ARID4B: variants seen among roughly 807,000 people sequenced by gnomAD.
ARID4B encodes the protein AT-rich interactive domain-containing protein 4B.
Under a neutral mutation model 147.5 loss-of-function variants are expected in ARID4B, and 26 were observed. The ratio of observed to expected loss-of-function variants is 0.18; its 90% CI spans 0.13 to 0.24. ARID4B has a LOEUF of 0.24. ARID4B is among the 10% of genes least tolerant of loss of function. The pLI, the probability that ARID4B is intolerant of heterozygous loss-of-function variation, is 1.00. For synonymous variants in ARID4B, 512 were observed against 507.9 expected, an observed-to-expected ratio of 1.01 and a Z score of -0.11; for missense variants, 1,179 against 1,511.5, an observed-to-expected ratio of 0.78 and a Z score of 3.65.
rs537216137 is a variant in ARID4B, at chr1:235,256,046, C to T, written c.184-296G>A. ...AAAATTGGGCAGGCGTGGTGGCAGG[C>T]GCCTGTAATCCCAGCTACTCGGGAG... is the stretch of plus-strand genomic sequence containing the variant. On this transcript the variant is annotated intron_variant, in intron 4 of 23. Transcript: ENST00000264183. Among the ~76,000 whole-genome samples, 10 of 151,512 alleles carry T rather than the reference C, an allele frequency of 6.6e-5. No homozygotes were observed. The South Asian group carries it at 8.3e-4, about 13-fold the overall frequency.
At chr1:235,230,648 G>T (rs12403014) in intron 10 of ARID4B, among the ~76,000 whole-genome samples, 1 of 146,452 alleles carries the variant, frequency 6.8e-6, no homozygotes, top group Non-Finnish European at 1.5e-5. Context: ...ATGGTTGGGC[G>T]CAGTGGCTCA....
At chr1:235,318,772 T>C (rs1181263408) in intron 2 of ARID4B, among the ~76,000 whole-genome samples, 1 of 151,818 alleles carries the variant, frequency 6.6e-6, no homozygotes, top group African/African-American at 2.4e-5. Flanking sequence ...TCCCATCTAC[T>C]TGGGAGCTGG....
At chr1:235,216,116 A>G (rs1051495696) in intron 16 of ARID4B, among the ~76,000 whole-genome samples, 1 of 152,042 alleles carries the variant, frequency 6.6e-6, no homozygotes, top group Non-Finnish European at 1.5e-5. Flanking sequence ...TGTTTAATGG[A>G]CCGGTGGAAG....
chr1:235,304,459 T>C (rs555254545), intron 2 of ARID4B, among the ~76,000 whole-genome samples: 1 of 152,348 alleles, frequency 6.6e-6, no homozygotes, highest in South Asian at 2.1e-4. Flanking sequence ...AGGTCCCTTT[T>C]CATTATCTTC....
rs1313471308 is a variant in ARID4B, at chr1:235,181,781, T to C, written c.3138A>G (p.Thr1046=). The C allele has an allele frequency of 1.2e-6, 2 of 1,614,126 alleles. No homozygotes were observed. Among genetic ancestry groups the C allele is most frequent in the Non-Finnish European group, 1.7e-6 (2 of 1,180,048 alleles). Residue 1046 remains threonine, a synonymous_variant, in exon 20 of 24, where the codon ACA becomes ACG. Coordinates refer to ENST00000264183, the MANE Select transcript of ARID4B (RefSeq NM_016374.6). ...TEGSRQQSSV[T]VSEPLAPNQE... is the part of the protein sequence containing the mutation. ...GGTTTGGAGCCAGTGGTTCTGATACTGTTACAGAAGACTGCTGCCGGCTGC... is the reference window on the plus strand; with the variant it reads ...GGTTTGGAGCCAGTGGTTCTGATACCGTTACAGAAGACTGCTGCCGGCTGC...
intron 2 of ARID4B, among the ~76,000 whole-genome samples, chr1:235,280,543 C>T (rs930272743): frequency 1.3e-5 from 2 of 152,280 alleles, no homozygotes; most frequent in South Asian, 2.1e-4. Flanking sequence ...CTCCGCTCCT[C>T]GCCACGCAAA....
At chr1:235,178,045 G>A (rs903934002) in intron 20 of ARID4B, 132 bp from the exon 21 acceptor site, 16 of 471,420 alleles carry the variant, frequency 3.4e-5, no homozygotes, top group African/African-American at 2.8e-4. Context: ...AGTTGTCACA[G>A]AACTTACTAC....
At position 235,174,101 on chromosome 1, in the gene ARID4B, G is replaced by A. The variant is rs576298644; in HGVS notation, c.3664+1083C>T. On this transcript the variant is annotated intron_variant, in intron 22 of 23. Transcript: ENST00000264183. ...GTCGCCCAGGCTGGAGTGCAGTGGCGCAACCTCGGCTCACTGCAACCTCCA... is the reference window on the plus strand; with the variant it reads ...GTCGCCCAGGCTGGAGTGCAGTGGCACAACCTCGGCTCACTGCAACCTCCA... Among the ~76,000 whole-genome samples the A allele has an allele frequency of 1.1e-3, 172 of 150,842 alleles. 1 individual carries two copies. The highest frequency in any genetic ancestry group is 4.1e-3 in the African/African-American group (167 of 41,084).
Position 235,177,695 on chromosome 1 carries a change from A to G in ARID4B, c.3448+105T>C, listed in dbSNP as rs41323049. 8,499 of 668,092 alleles carry G rather than the reference A, an allele frequency of 0.013. 604 individuals are homozygous for G. In the African/African-American group the frequency reaches 0.14, roughly 11 times the overall value. 41.4% of individuals were successfully genotyped at this position (668,092 alleles called of 1,614,324 possible). Reference sequence around the variant, plus strand: ...GACTTTTTTTGAGTGTACAGACAAAATCAAAATAGTGTACTATCCCATACC... The same window carrying G: ...GACTTTTTTTGAGTGTACAGACAAAGTCAAAATAGTGTACTATCCCATACC... On this transcript the variant is annotated intron_variant, in intron 21 of 23. Coordinates refer to ENST00000264183, the MANE Select transcript of ARID4B (RefSeq NM_016374.6).
At chr1:235,316,741 T>A (rs1329773580) in intron 2 of ARID4B, among the ~76,000 whole-genome samples, 1 of 146,862 alleles carries the variant, frequency 6.8e-6, no homozygotes, top group Non-Finnish European at 1.5e-5. Context: ...ATCGTTTGAA[T>A]CCGGGAGCCG....
At chr1:235,296,698 G>A (rs1487873023) in intron 2 of ARID4B, among the ~76,000 whole-genome samples, 1 of 149,952 alleles carries the variant, frequency 6.7e-6, no homozygotes, top group African/African-American at 2.5e-5. Flanking sequence ...GGGCTCAAGT[G>A]ATCCGCCCAC....
chr1:235,213,632 T>C, intron 17 of ARID4B, 137 bp downstream of exon 17: 1 of 954,074 alleles, frequency 1.0e-6, no homozygotes, highest in Non-Finnish European at 1.5e-6. Context: ...ATTTACATGC[T>C]AAAAACTATT....
chr1:235,170,363 C>G (rs1223211146), intron 23 of ARID4B, among the ~76,000 whole-genome samples: 1 of 152,180 alleles, frequency 6.6e-6, no homozygotes, highest in Non-Finnish European at 1.5e-5. Context: ...TTTGCAACCC[C>G]TGTTCTACAG....
chr1:235,245,360 A>G (rs1302451204), intron 7 of ARID4B, among the ~76,000 whole-genome samples: 3 of 152,238 alleles, frequency 2.0e-5, no homozygotes, highest in Non-Finnish European at 4.4e-5. Flanking sequence ...TTAACAGATC[A>G]TAATTTTTAG....
chr1:235,271,995 A>C (rs1327080468), intron 2 of ARID4B, among the ~76,000 whole-genome samples: 1 of 144,658 alleles, frequency 6.9e-6, no homozygotes, highest in Non-Finnish European at 1.5e-5. Flanking sequence ...CCCACCAACC[A>C]AGTTTTTAAT....
chr1:235,274,897 C>T (rs967732857), intron 2 of ARID4B, among the ~76,000 whole-genome samples: 2 of 152,056 alleles, frequency 1.3e-5, no homozygotes, highest in African/African-American at 4.8e-5. Context: ...CTGCTGCAGA[C>T]TTATCTTTGA....
chr1:235,297,008 T>TTA (rs1265213987), intron 2 of ARID4B, among the ~76,000 whole-genome samples: 45 of 152,170 alleles, frequency 3.0e-4, no homozygotes, highest in East Asian at 2.5e-3. Flanking sequence ...TCTTTTCTTT[T>TTA]TATATATATA....
intron 20 of ARID4B, 153 bp downstream of exon 20, chr1:235,181,431 AT>A: frequency 1.9e-6 from 2 of 1,052,292 alleles, no homozygotes; most frequent in Non-Finnish European, 2.7e-6. Context: ...TCCACTATTC[AT>A]TTTCAAATTA....
At chr1:235,326,155 A>T (rs1675231171) in intron 2 of ARID4B, among the ~76,000 whole-genome samples, 1 of 152,194 alleles carries the variant, frequency 6.6e-6, no homozygotes, top group Non-Finnish European at 1.5e-5. Context: ...GTGTTTAAAA[A>T]AAAAAAAGAC....
Sources: gnomAD v4.1 joint callset for allele counts (sites outside exome capture counted in the v4.1 genomes callset) on GRCh38, gnomAD v4.1.1 for gene constraint, MANE v1.5 for transcripts, NCBI Gene and HGNC (gene_info 2026-07-23, HGNC 2026-07-21) for gene names.